HOMER2: variants seen among roughly 807,000 people sequenced by gnomAD.
HOMER2 encodes the protein homer protein homolog 2.
A neutral mutation model predicts 47.0 loss-of-function variants in HOMER2; 27 were observed. The observed-to-expected ratio is 0.57, with a 90% CI of 0.42 to 0.79. The LOEUF (loss-of-function observed/expected upper bound fraction) is 0.79, where lower values mean the gene tolerates loss of function less well. HOMER2 is among the 30% of genes least tolerant of loss of function. The pLI is 0.00. For synonymous variants in HOMER2, 161 were observed against 163.8 expected (o/e 0.98, Z 0.13); for missense variants, 443 against 435.0 (o/e 1.02, Z -0.16).
At chr15:82,866,296 T>G (rs1193506155) in intron 3 of HOMER2, among the ~76,000 whole-genome samples, 1 of 152,240 alleles carries the variant, frequency 6.6e-6, no homozygotes, top group Admixed American at 6.5e-5. Flanking sequence ...ATGGGGCCTG[T>G]AGCCCCTTTG....
At chr15:82,921,853 T>G (rs1052214260) in intron 1 of HOMER2, among the ~76,000 whole-genome samples, 1 of 152,158 alleles carries the variant, frequency 6.6e-6, no homozygotes, top group Non-Finnish European at 1.5e-5. Context: ...GGTCCAGAAA[T>G]TTATTGTAAT....
chr15:82,880,656 T>C (rs771421735), intron 2 of HOMER2, among the ~76,000 whole-genome samples: 5 of 152,140 alleles, frequency 3.3e-5, no homozygotes, highest in Non-Finnish European at 7.4e-5. Flanking sequence ...TTCCCGCCCA[T>C]GGAGACACTG....
At chr15:82,951,535 T>C (rs1310594933) in intron 1 of HOMER2, among the ~76,000 whole-genome samples, 1 of 152,230 alleles carries the variant, frequency 6.6e-6, no homozygotes, top group East Asian at 1.9e-4. Context: ...AAGCAAGATC[T>C]CTAGACCCTT....
intron 1 of HOMER2, among the ~76,000 whole-genome samples, chr15:82,942,655 C>G (rs1255729977): frequency 6.6e-6 from 1 of 152,220 alleles, no homozygotes; most frequent in Non-Finnish European, 1.5e-5. Context: ...TGACCAGCAA[C>G]ACAAATCCCT....
At chr15:82,986,125 G>A (rs74030861), upstream of HOMER2, 431 of 985,066 alleles carry the variant, frequency 4.4e-4, no homozygotes, top group African/African-American at 6.6e-3. Context: ...GAAGCGATCT[G>A]TTGCAAAGCG....
At position 82,898,170 on chromosome 15, in the gene HOMER2, A is replaced by G. The variant is rs533021764; in HGVS notation, c.6-5329T>C. On this transcript the variant is annotated intron_variant, in intron 1 of 8. Transcript: ENST00000450735. ...ACCTTTATGGGCAAAATCCAAACAG[A>G]GACCTCACCACAAAATTCAGAAAAG... Among the ~76,000 whole-genome samples, 38 of 152,362 alleles carry G rather than the reference A, an allele frequency of 2.5e-4. No homozygotes were observed. The South Asian group carries it at 7.2e-3, about 29-fold the overall frequency.
rs1021344811 is a variant in HOMER2, at chr15:82,914,294, C to T, written c.6-21453G>A. 5.4e-5 allele frequency among the ~76,000 whole-genome samples: 8 copies of T among 148,002 alleles called. No individual in the cohort carries two copies. In the East Asian group the frequency reaches 8.1e-4, roughly 15 times the overall value. On this transcript the variant is annotated intron_variant, in intron 1 of 8. Coordinates refer to ENST00000450735, the MANE Select transcript of HOMER2 (RefSeq NM_004839.4). ...TTGGGAGGCTGAGGCAGGAGAACAG[C>T]GTGAACCCGGGAGGCAGAGCTTGCA...
upstream of HOMER2, chr15:82,952,802 G>A: frequency 1.3e-6 from 1 of 744,752 alleles, no homozygotes; most frequent in Non-Finnish European, 1.6e-6. Context: ...GGCTCCTTAC[G>A]TAACCTCGTG....
At chr15:82,958,450 C>T (rs2054604127) in exon 2 of HOMER2, 2 of 152,262 alleles carry the variant, frequency 1.3e-5, no homozygotes, top group African/African-American at 4.8e-5. Flanking sequence ...AAGTTGGGAC[C>T]ACTCTGTGAA....
At chr15:82,949,831 A>G (rs2054466737) in intron 1 of HOMER2, among the ~76,000 whole-genome samples, 1 of 152,176 alleles carries the variant, frequency 6.6e-6, no homozygotes. Context: ...GTGTCCAATA[A>G]CCACATGTGC....
intron 3 of HOMER2, among the ~76,000 whole-genome samples, chr15:82,872,120 G>T (rs561679831): frequency 6.6e-6 from 1 of 152,162 alleles, no homozygotes; most frequent in African/African-American, 2.4e-5. Context: ...CGGCTGAGGG[G>T]AAGGGAGTTC....
At chr15:82,977,497 C>T (rs1005886449) in intron 1 of HOMER2, among the ~76,000 whole-genome samples, 7 of 152,182 alleles carry the variant, frequency 4.6e-5, no homozygotes, top group Non-Finnish European at 7.3e-5. Flanking sequence ...TTTTAGATTA[C>T]GTCACAATTT....
intron 3 of HOMER2, among the ~76,000 whole-genome samples, chr15:82,870,437 T>C (rs1275944879): frequency 6.6e-6 from 1 of 152,138 alleles, no homozygotes; most frequent in Admixed American, 6.5e-5. Context: ...AGAAGCCATC[T>C]TATCACCACA....
exon 2 of HOMER2, chr15:82,841,989 T>C (rs1254876042): frequency 6.6e-6 from 1 of 152,210 alleles, no homozygotes; most frequent in Admixed American, 6.5e-5. Context: ...GGATTTTAAT[T>C]ATGGGGGACT....
At chr15:82,868,940 C>G (rs2052085166) in intron 3 of HOMER2, among the ~76,000 whole-genome samples, 3 of 152,122 alleles carry the variant, frequency 2.0e-5, no homozygotes, top group African/African-American at 7.2e-5. Context: ...GGTTAATGGG[C>G]TCACCAGAGC....
chr15:82,967,741 G>C (rs990280079), intron 1 of HOMER2, among the ~76,000 whole-genome samples: 15 of 152,228 alleles, frequency 9.9e-5, no homozygotes, highest in Admixed American at 9.8e-4. Context: ...GCTGGGCGTT[G>C]TGGCGGGCAT....
At chr15:82,869,559 G>C (rs527387582) in intron 3 of HOMER2, among the ~76,000 whole-genome samples, 1 of 139,438 alleles carries the variant, frequency 7.2e-6, no homozygotes, top group East Asian at 2.3e-4. Flanking sequence ...CCGCGTTCAA[G>C]TGATTATCCT....
intron 1 of HOMER2, among the ~76,000 whole-genome samples, chr15:82,944,749 T>C (rs1296226101): frequency 6.6e-6 from 1 of 152,126 alleles, no homozygotes; most frequent in East Asian, 1.9e-4. Context: ...GGTTTTTTTT[T>C]TTTAAATTTT....
At chr15:82,908,185 G>A (rs1843538939) in intron 1 of HOMER2, among the ~76,000 whole-genome samples, 1 of 152,110 alleles carries the variant, frequency 6.6e-6, no homozygotes, top group African/African-American at 2.4e-5. Context: ...AGATTGTGGT[G>A]ATGGTTCCAA....
Sources: allele counts gnomAD v4.1 joint callset (sites outside exome capture counted in the v4.1 genomes callset), GRCh38; gene constraint gnomAD v4.1.1; transcripts MANE v1.5; gene names NCBI Gene and HGNC (gene_info 2026-07-23, HGNC 2026-07-21).